Variants in ZNF439 observed in about 807,000 individuals in gnomAD.
ZNF439 encodes zinc finger protein 439.
A neutral mutation model predicts 47.3 loss-of-function variants in ZNF439; 40 were observed. That is an observed-to-expected ratio of 0.85 (90% CI 0.66 to 1.10). ZNF439 has a LOEUF of 1.10. Ranked by LOEUF, ZNF439 falls within the 50% of genes least tolerant of loss-of-function variation. The pLI is 0.00. For missense variants in ZNF439, 556 were observed against 601.1 expected (o/e 0.93, Z 0.78); for synonymous variants, 171 against 198.8 (o/e 0.86, Z 1.18).
chr19:11,867,176 A>G, intron 3 of ZNF439, 130 bp from the exon 4 acceptor site: 1 of 1,147,276 alleles, frequency 8.7e-7, no homozygotes. Flanking sequence ...AGTCACCTTC[A>G]AACAATTCAG....
intron 1 of ZNF439, among the ~76,000 whole-genome samples, chr19:11,858,478 A>AG (rs1415749537): frequency 1.5e-5 from 2 of 135,052 alleles, no homozygotes; most frequent in East Asian, 3.9e-4. Context: ...AAAAAAAAAA[A>AG]AAAAAGGGGG....
chr19:11,859,442 A>G (rs1599318018), intron 1 of ZNF439, among the ~76,000 whole-genome samples: 1 of 152,192 alleles, frequency 6.6e-6, no homozygotes, highest in East Asian at 1.9e-4. Flanking sequence ...TTTCTTCCCA[A>G]TTTAAATTCC....
chr19:11,854,080 A>G (rs888567831), intron 1 of ZNF439, among the ~76,000 whole-genome samples: 1 of 152,232 alleles, frequency 6.6e-6, no homozygotes, highest in African/African-American at 2.4e-5. Flanking sequence ...TGACAGCACA[A>G]TTGCTGTTGC....
chr19:11,859,617 T>C (rs909893421), intron 1 of ZNF439, among the ~76,000 whole-genome samples: 6 of 152,150 alleles, frequency 3.9e-5, no homozygotes, highest in African/African-American at 1.4e-4. Context: ...CAACTTAAAC[T>C]CTAGTGGGGG....
chr19:11,865,199 C>T (rs1395389297), intron 1 of ZNF439, among the ~76,000 whole-genome samples: 1 of 152,106 alleles, frequency 6.6e-6, no homozygotes, highest in Non-Finnish European at 1.5e-5. Flanking sequence ...TACTGCCACC[C>T]CAGGAAGGTC....
chr19:11,861,238 C>T (rs865937766), intron 1 of ZNF439, among the ~76,000 whole-genome samples: 18 of 152,190 alleles, frequency 1.2e-4, no homozygotes, highest in Admixed American at 6.5e-4. Context: ...TCCTTTCTGC[C>T]TCTCCTCCTC....
intron 1 of ZNF439, among the ~76,000 whole-genome samples, chr19:11,861,342 C>T (rs753739300): frequency 1.1e-4 from 17 of 152,134 alleles, no homozygotes; most frequent in Admixed American, 3.3e-4. Context: ...TCAGTACACC[C>T]TCCTATCTTT....
At chr19:11,854,128 C>T (rs1976321580) in intron 1 of ZNF439, among the ~76,000 whole-genome samples, 1 of 152,206 alleles carries the variant, frequency 6.6e-6, no homozygotes, top group African/African-American at 2.4e-5. Flanking sequence ...AACCATAGAA[C>T]TATGGATTTC....
At chr19:11,863,030 G>A (rs1196296671) in intron 1 of ZNF439, among the ~76,000 whole-genome samples, 2 of 151,932 alleles carry the variant, frequency 1.3e-5, no homozygotes, top group African/African-American at 2.4e-5. Context: ...TTATAGACAT[G>A]AGCCATCGTG....
At chr19:11,865,770 G>A (rs1451703107) in intron 1 of ZNF439, among the ~76,000 whole-genome samples, 1 of 143,358 alleles carries the variant, frequency 7.0e-6, no homozygotes, top group Non-Finnish European at 1.5e-5. Flanking sequence ...GCTCATGCCT[G>A]TAATCCTAGC....
chr19:11,865,875 A>C (rs902206805), intron 1 of ZNF439: 1 of 375,680 alleles, frequency 2.7e-6, no homozygotes, highest in African/African-American at 2.2e-5. Context: ...TAAAAATACA[A>C]AATTAGCCGG....
chr19:11,867,051 C>G (rs1029634333), intron 3 of ZNF439, among the ~76,000 whole-genome samples: 5 of 152,162 alleles, frequency 3.3e-5, no homozygotes, highest in Non-Finnish European at 7.3e-5. Context: ...AGAAAAATGA[C>G]ACAGAGTATT....
At chr19:11,855,511 C>G (rs999022579) in intron 1 of ZNF439, among the ~76,000 whole-genome samples, 1 of 152,122 alleles carries the variant, frequency 6.6e-6, no homozygotes, top group African/African-American at 2.4e-5. Context: ...TGTGGTGATA[C>G]ACAAAGGGAG....
At chr19:11,851,033 A>G (rs969988039) in intron 1 of ZNF439, 1 of 152,224 alleles carries the variant, frequency 6.6e-6, no homozygotes. Flanking sequence ...CCCCATCTCA[A>G]AAAACAAAAA....
chr19:11,866,091 C>G, intron 1 of ZNF439, 114 bp from the exon 2 acceptor site: 1 of 1,546,756 alleles, frequency 6.5e-7, no homozygotes, highest in South Asian at 1.3e-5. Flanking sequence ...ATGACCAAAG[C>G]AGGGAATAAA....
intron 1 of ZNF439, chr19:11,857,937 T>C (rs8110341): frequency 2.1e-4 from 32 of 152,322 alleles, no homozygotes; most frequent in African/African-American, 7.5e-4. Flanking sequence ...ATTTGATCTG[T>C]AGGAGTGGCC....
chr19:11,865,712 C>CAA (rs71166640), intron 1 of ZNF439, among the ~76,000 whole-genome samples: 5,044 of 81,748 alleles, frequency 0.062, 901 homozygotes, highest in African/African-American at 0.1. Context: ...TACACTATCA[C>CAA]AAAAAAAAAA....
rs148542188 is a variant in ZNF439 at position 11,854,457 on chromosome 19, G to A, written c.63+5527G>A. Among the ~76,000 whole-genome samples, 104 of 152,302 alleles carry A rather than the reference G, an allele frequency of 6.8e-4. 2 individuals are homozygous for A. Among genetic ancestry groups the A allele is most frequent in the African/African-American group, 2.3e-3 (95 of 41,588 alleles). On this transcript the variant is annotated intron_variant, in intron 1 of 3. Transcript: ENST00000682736. The stretch of plus-strand genomic sequence containing the variant: ...AGGGATGCAACCCAAAATCATCAAA[G>A]TAGAGATATTATGTGTTTGTGGCCA...
chr19:11,861,183 A>G (rs554849983), intron 1 of ZNF439, among the ~76,000 whole-genome samples: 24 of 152,200 alleles, frequency 1.6e-4, no homozygotes, highest in Non-Finnish European at 2.4e-4. Context: ...AACATTTCAC[A>G]TGAGAGGAAA....
Sources: allele counts gnomAD v4.1 joint callset (sites outside exome capture counted in the v4.1 genomes callset), GRCh38; gene constraint gnomAD v4.1.1; transcripts MANE v1.5; gene names NCBI Gene and HGNC (gene_info 2026-07-23, HGNC 2026-07-21).